Variants in ARAP2 observed in about 807,000 individuals in gnomAD.
ARAP2 encodes ArfGAP with RhoGAP domain, ankyrin repeat and PH domain 2.
ARAP2 carries 148 observed loss-of-function variants against 194.5 expected under a neutral mutation model. That is an observed-to-expected ratio of 0.76 (90% CI 0.67 to 0.87). The LOEUF is 0.87. ARAP2 is among the 40% of genes least tolerant of loss of function. The pLI is 0.00. For missense variants in ARAP2, 2,128 were observed against 1,989.7 expected (o/e 1.07, Z -1.32); for synonymous variants, 695 against 683.5 (o/e 1.02, Z -0.26).
At chr4:36,144,330 C>A (rs1224957851) in intron 19 of ARAP2, among the ~76,000 whole-genome samples, 1 of 151,800 alleles carries the variant, frequency 6.6e-6, no homozygotes, top group African/African-American at 2.4e-5. Flanking sequence ...ATGGAAGTAG[C>A]AGTTAGTAGG....
chr4:36,028,616 TC>T (rs1718363972), intron 5 of ARAP2, among the ~76,000 whole-genome samples: 4 of 89,934 alleles, frequency 4.4e-5, no homozygotes, highest in African/African-American at 1.2e-4. Flanking sequence ...CTGTTTTTTT[TC>T]CTGAAAAAAT....
At chr4:36,127,574 C>T (rs1724261405) in intron 21 of ARAP2, among the ~76,000 whole-genome samples, 1 of 151,934 alleles carries the variant, frequency 6.6e-6, no homozygotes, top group African/African-American at 2.4e-5. Flanking sequence ...AGGAAAATTA[C>T]TTCTCAATAG....
chr4:36,192,911 G>A (rs560429988), intron 7 of ARAP2, among the ~76,000 whole-genome samples: 5 of 152,040 alleles, frequency 3.3e-5, no homozygotes, highest in Admixed American at 1.3e-4. Flanking sequence ...CAGGAGAATC[G>A]CTGGAACCCA....
Position 36,210,761 on chromosome 4 carries a change from G to T in ARAP2, c.1134-18C>A, listed in dbSNP as rs958904475. On this transcript the variant is annotated intron_variant, in intron 5 of 32. Coordinates refer to ENST00000303965, the MANE Select transcript of ARAP2 (RefSeq NM_015230.4). ...CGTATATGCTAAACGGAAAAATGATGTAAACATTTCAAAGTGCTATATGTG... is the reference window on the plus strand; with the variant it reads ...CGTATATGCTAAACGGAAAAATGATTTAAACATTTCAAAGTGCTATATGTG... The T allele has an allele frequency of 8.6e-6, 13 of 1,509,128 alleles. No homozygotes were observed. The highest frequency in any genetic ancestry group is 2.8e-5 in the African/African-American group (2 of 71,530). 93.5% of individuals were successfully genotyped at this position (1,509,128 alleles called of 1,614,324 possible). A position where few individuals can be genotyped will look rare whatever the true frequency, so the allele number is the denominator to read the frequency against.
At chr4:36,228,481 TAC>T in intron 2 of ARAP2, 99 bp downstream of exon 2, 1 of 1,262,988 alleles carries the variant, frequency 7.9e-7, no homozygotes, top group South Asian at 1.6e-5. Context: ...GGTAAATGAA[TAC>T]AGTCAAATTT....
chr4:36,170,172 A>G (rs1398465758), intron 9 of ARAP2, among the ~76,000 whole-genome samples: 6 of 152,220 alleles, frequency 3.9e-5, no homozygotes, highest in African/African-American at 1.2e-4. Context: ...TCCAAAAACA[A>G]AAGTACAACC....
intron 20 of ARAP2, among the ~76,000 whole-genome samples, chr4:36,132,534 G>C (rs1249781304): frequency 1.3e-5 from 2 of 151,696 alleles, no homozygotes; most frequent in African/African-American, 4.8e-5. Context: ...CAGTCTGAAA[G>C]ATATATGCAA....
chr4:36,210,933 A>G (rs1337890134), intron 5 of ARAP2, among the ~76,000 whole-genome samples, 190 bp from the exon 6 acceptor site: 1 of 152,132 alleles, frequency 6.6e-6, no homozygotes, highest in East Asian at 1.9e-4. Context: ...TCATTAACCT[A>G]TGACATCTGA....
rs1278847857 is a variant in ARAP2 at position 36,050,500 on chromosome 4, G to A, written n.369+1506C>T. Among the ~76,000 whole-genome samples the A allele has an allele frequency of 8.5e-5, 13 of 152,306 alleles. No individual in the cohort carries two copies. The South Asian group carries it at 1.4e-3, about 17-fold the overall frequency. On this transcript the variant is annotated intron_variant and non_coding_transcript_variant, in intron 3 of 12. Coordinates refer to the ARAP2 transcript ENST00000503225. ...GAACAGAAGGATTTTCATGTGTGGC[G>A]TTGTTTCATCCTGGAATTCTCTTTT...
At chr4:36,075,994 T>C (rs774247124) in intron 31 of ARAP2, among the ~76,000 whole-genome samples, 1 of 152,194 alleles carries the variant, frequency 6.6e-6, no homozygotes, top group Non-Finnish European at 1.5e-5. Context: ...TCACATGTGG[T>C]GATCTCACTG....
chr4:36,077,514 T>C (rs904814175), intron 31 of ARAP2, among the ~76,000 whole-genome samples: 1 of 152,070 alleles, frequency 6.6e-6, no homozygotes, highest in Non-Finnish European at 1.5e-5. Context: ...CTCTAGGGTA[T>C]ATACCACAGA....
chr4:36,028,896 G>A (rs975247787), intron 5 of ARAP2, among the ~76,000 whole-genome samples: 1 of 151,744 alleles, frequency 6.6e-6, no homozygotes, highest in Non-Finnish European at 1.5e-5. Flanking sequence ...AGATGAAAGG[G>A]CCATTTTTTT....
At chr4:36,166,896 A>T in intron 10 of ARAP2, 36 bp downstream of exon 10, 2 of 1,329,990 alleles carry the variant, frequency 1.5e-6, no homozygotes, top group Non-Finnish European at 2.1e-6. Context: ...GCTTTCCTAT[A>T]GTAGTACGAA....
intron 28 of ARAP2, among the ~76,000 whole-genome samples, 163 bp downstream of exon 28, chr4:36,091,718 A>T (rs916295106): frequency 6.6e-6 from 1 of 152,156 alleles, no homozygotes; most frequent in African/African-American, 2.4e-5. Flanking sequence ...TGTGTTACTG[A>T]GTGCATTAAT....
chr4:36,122,557 T>C (rs142486513), intron 22 of ARAP2, among the ~76,000 whole-genome samples: 1,609 of 151,850 alleles, frequency 0.011, 21 homozygotes, highest in African/African-American at 0.029. Context: ...AAGTGGGAGC[T>C]AAATGATGAG....
intron 1 of ARAP2, among the ~76,000 whole-genome samples, chr4:36,234,881 A>T (rs1347695761): frequency 6.6e-6 from 1 of 152,204 alleles, no homozygotes; most frequent in Non-Finnish European, 1.5e-5. Context: ...ATGGTGCATC[A>T]TGTATATGCA....
Position 36,080,274 on chromosome 4 carries a change from AG to A in ARAP2, c.4549del (p.Leu1517CysfsTer13), listed in dbSNP as rs1202449570. The A allele has an allele frequency of 6.2e-7, 1 of 1,612,370 alleles. No individual in the cohort carries two copies. The highest frequency in any genetic ancestry group is 1.7e-5 in the Admixed American group (1 of 59,938). ...TAYSEKHHWH[L>X]CCDSSRTQTE... ...CTGAGTTCGTGAACTATCACAACACAGGTGCCTGCAAAACGAGGTTTATAAA... is the reference window on the plus strand; with the variant it reads ...CTGAGTTCGTGAACTATCACAACACAGTGCCTGCAAAACGAGGTTTATAAA... On this transcript the variant is annotated frameshift_variant, in exon 31 of 33. Coordinates refer to ENST00000303965, the MANE Select transcript of ARAP2 (RefSeq NM_015230.4). LOFTEE classifies it high-confidence loss of function.
At chr4:36,181,758 C>A (rs1055263122) in intron 8 of ARAP2, among the ~76,000 whole-genome samples, 3 of 152,188 alleles carry the variant, frequency 2.0e-5, no homozygotes, top group Non-Finnish European at 4.4e-5. Flanking sequence ...GTGAACAAGA[C>A]TGACCATGAC....
chr4:36,197,936 C>T (rs1321683854), intron 6 of ARAP2, among the ~76,000 whole-genome samples: 2 of 86,128 alleles, frequency 2.3e-5, no homozygotes, highest in Non-Finnish European at 4.7e-5. Flanking sequence ...CTCGGTTCCC[C>T]GAAGGGCCGC....
Sources: gnomAD v4.1 joint callset for allele counts (sites outside exome capture counted in the v4.1 genomes callset) on GRCh38, gnomAD v4.1.1 for gene constraint, MANE v1.5 for transcripts, NCBI Gene and HGNC (gene_info 2026-07-23, HGNC 2026-07-21) for gene names.